PWWP2A: variants seen among roughly 807,000 people sequenced by gnomAD.
The protein encoded by PWWP2A is PWWP domain containing 2A.
PWWP2A carries 18 observed loss-of-function variants against 48.5 expected under a neutral mutation model. The observed-to-expected ratio is 0.37, with a 90% CI of 0.26 to 0.55. PWWP2A has a LOEUF of 0.55. Ranked by LOEUF, PWWP2A falls within the 20% of genes least tolerant of loss-of-function variation. The pLI, the probability that PWWP2A is intolerant of heterozygous loss-of-function variation, is 0.81. For synonymous variants in PWWP2A, 396 were observed against 387.7 expected, an observed-to-expected ratio of 1.02 and a Z score of -0.25; for missense variants, 867 against 976.4, an observed-to-expected ratio of 0.89 and a Z score of 1.49.
downstream of PWWP2A, among the ~76,000 whole-genome samples, chr5:160,073,478 C>T (rs560821786): frequency 2.0e-5 from 3 of 152,132 alleles, no homozygotes; most frequent in South Asian, 6.2e-4. Context: ...CCACCCTCCT[C>T]GACCTCCCAA....
Position 160,093,545 on chromosome 5 carries a change from G to A in PWWP2A, c.1105C>T (p.His369Tyr). Residue 369 changes from histidine to tyrosine, a missense_variant, in exon 2 of 2, where the codon CAT becomes TAT. Transcript: ENST00000307063. The surrounding 1 kb of genome is among the most constrained non-coding windows in gnomAD (Gnocchi z 5.8). ...TTVNKKLKTD[H>Y]KVDGKNQNES... ...TTTTGGTTTTTCCCATCCACTTTAT[G>A]GTCAGTTTTCAGTTTTTTGTTCACA... 6.2e-7 allele frequency: 1 copy of A among 1,613,466 alleles called. No individual in the cohort carries two copies. Among genetic ancestry groups the A allele is most frequent in the Non-Finnish European group, 8.5e-7 (1 of 1,179,778 alleles).
chr5:160,108,592 T>C, intron 1 of PWWP2A: 2 of 1,287,442 alleles, frequency 1.6e-6, no homozygotes, highest in Non-Finnish European at 2.0e-6. Flanking sequence ...AGTAGGGCTA[T>C]TGCACCATAC....
chr5:160,093,623 T>C lies in PWWP2A; in HGVS notation c.1027A>G (p.Thr343Ala), dbSNP rs1308227373. ...KKEIRKGSSA[T>A]DSSKYEDKKR... The stretch of plus-strand genomic sequence containing the variant: ...TTATCTTCATATTTAGAAGAGTCAG[T>C]TGCACTACTACCTTTTCTAATTTCC... The change falls in exon 2 of 2, where the codon ACT becomes GCT. Residue 343 changes from threonine (T) to alanine (A), a missense_variant. Physicochemically the swap from Thr to Ala is moderately conservative, Grantham distance 58. Coordinates refer to ENST00000307063, the MANE Select transcript of PWWP2A (RefSeq NM_001130864.2). This position sits in a 1 kb window ranked among gnomAD's most constrained non-coding sequence, Gnocchi z 5.8. 3 of 1,614,028 alleles carry C rather than the reference T, an allele frequency of 1.9e-6. No individual in the cohort carries two copies. Among genetic ancestry groups the C allele is most frequent in the East Asian group, 4.5e-5 (2 of 44,892 alleles).
Position 160,119,176 on chromosome 5 carries a change from T to TGGCGGCGGG in PWWP2A, c.204_212dup (p.Pro73_Pro75dup). The stretch of plus-strand genomic sequence containing the variant: ...GGGCGAGCTCCCCCGGCGGCGGCGG[T>TGGCGGCGGG]GGCGGCGGGAGCGGCGGCTCGTCGG... On this transcript the variant is annotated inframe_insertion, in exon 1 of 2. Coordinates refer to ENST00000307063, the MANE Select transcript of PWWP2A (RefSeq NM_001130864.2). 1.8e-5 allele frequency: 27 copies of TGGCGGCGGG among 1,508,452 alleles called. No homozygotes were observed. The highest frequency in any genetic ancestry group is 2.3e-5 in the Non-Finnish European group (26 of 1,145,008). 93.4% of individuals were successfully genotyped at this position (1,508,452 alleles called of 1,614,324 possible).
At position 160,092,467 on chromosome 5, in the gene PWWP2A, T is replaced by C. The variant is rs1360423617; in HGVS notation, c.2183A>G (p.Tyr728Cys). 6.4e-7 allele frequency: 1 copy of C among 1,551,716 alleles called. No homozygotes were observed. Reference protein sequence around the residue: ...SRFNKKRKGLYRKAITEAAKA... With the variant: ...SRFNKKRKGLCRKAITEAAKA... ...AGCTGCCTCTGTGATAGCCTTGCGA[T>C]ACAGGCCCTTTCTCTTCTTATTAAA... is the stretch of plus-strand genomic sequence containing the variant. The change falls in exon 2 of 2, where the codon TAT becomes TGT. Residue 728 changes from tyrosine to cysteine, a missense_variant. Tyr to Cys is a radical substitution (Grantham distance 194, BLOSUM62 -2). This residue lies in a region of PWWP2A where 97 missense variants were observed against 151.7 expected (regional missense o/e 0.64). Transcript: ENST00000307063.
chr5:160,110,450 T>C (rs1757441818), intron 1 of PWWP2A, among the ~76,000 whole-genome samples: 1 of 152,200 alleles, frequency 6.6e-6, no homozygotes, highest in Non-Finnish European at 1.5e-5. Flanking sequence ...CTCAAGCCTG[T>C]AATCCCAGCA....
chr5:160,081,239 C>CTT lies in PWWP2A; in HGVS notation c.1550-471_1550-470dup, dbSNP rs11410217. Among the ~76,000 whole-genome samples, 704 of 133,688 alleles carry CTT rather than the reference C, an allele frequency of 5.3e-3. 13 individuals carry two copies. The highest frequency in any genetic ancestry group is 0.013 in the African/African-American group (474 of 36,050). The allele number at this position is 133,688 out of a possible 152,430, so 87.7% of individuals were successfully genotyped here. A position where few individuals can be genotyped will look rare whatever the true frequency, so the allele number is the denominator to read the frequency against. ...CATAATTAATGAGCTCAATGACCCCCTTTTTTTTTTTTTTTTTTTGAGACA... is the reference window on the plus strand; with the variant it reads ...CATAATTAATGAGCTCAATGACCCCCTTTTTTTTTTTTTTTTTTTTTGAGACA... On this transcript the variant is annotated intron_variant, in intron 2 of 3. Coordinates refer to the PWWP2A transcript ENST00000456329.
chr5:160,086,164 AAAT>A (rs1466746357), intron 2 of PWWP2A, among the ~76,000 whole-genome samples: 1 of 152,182 alleles, frequency 6.6e-6, no homozygotes, highest in African/African-American at 2.4e-5. Flanking sequence ...TTCCATATTT[AAAT>A]AATGACTGTT....
chr5:160,074,754 CAAAA>C (rs779908628), downstream of PWWP2A, among the ~76,000 whole-genome samples: 3 of 136,560 alleles, frequency 2.2e-5, no homozygotes, highest in African/African-American at 8.0e-5. Context: ...CTCAAAAAAA[CAAAA>C]AAAAAAACAA....
At chr5:160,114,990 A>T (rs976167364) in intron 1 of PWWP2A, among the ~76,000 whole-genome samples, 2 of 151,900 alleles carry the variant, frequency 1.3e-5, no homozygotes, top group African/African-American at 4.8e-5. Context: ...ACAAAAAATT[A>T]GCCAGGCGTG....
At chr5:160,103,812 G>A (rs1046204106) in intron 1 of PWWP2A, among the ~76,000 whole-genome samples, 2 of 152,084 alleles carry the variant, frequency 1.3e-5, no homozygotes, top group Non-Finnish European at 2.9e-5. Context: ...GATAGACGGA[G>A]AATAACCAGT....
chr5:160,045,439 G>A, the PWWP2A span, among the ~76,000 whole-genome samples: 1 of 121,160 alleles, frequency 8.3e-6, no homozygotes, highest in Non-Finnish European at 1.7e-5. Context: ...GAGAGCCCCC[G>A]ACATCCCCCA....
downstream of PWWP2A, among the ~76,000 whole-genome samples, chr5:160,058,236 G>T (rs766528900): frequency 6.6e-6 from 1 of 152,060 alleles, no homozygotes; most frequent in Non-Finnish European, 1.5e-5. Context: ...ATCTTCAAGC[G>T]CCACTCGAAT....
At chr5:160,074,999 G>A (rs4262145), downstream of PWWP2A, among the ~76,000 whole-genome samples, 91,391 of 151,838 alleles carry the variant, frequency 0.6, 27,486 homozygotes, top group East Asian at 0.62. Context: ...GCTTTCTTAT[G>A]TGAAGGCCAG....
intron 1 of PWWP2A, among the ~76,000 whole-genome samples, chr5:160,117,482 C>T (rs977316478): frequency 2.0e-5 from 3 of 152,082 alleles, no homozygotes; most frequent in South Asian, 2.1e-4. Context: ...TGGTGAAATC[C>T]CGGCTCTAGT....
At chr5:160,087,457 C>T (rs751303772), downstream of PWWP2A, among the ~76,000 whole-genome samples, 1 of 151,338 alleles carries the variant, frequency 6.6e-6, no homozygotes, top group Non-Finnish European at 1.5e-5. Context: ...TATAGGACTA[C>T]AGGTTGATCA....
At chr5:160,073,591 C>T (rs572288723), downstream of PWWP2A, among the ~76,000 whole-genome samples, 23 of 152,232 alleles carry the variant, frequency 1.5e-4, no homozygotes, top group East Asian at 3.9e-3. Flanking sequence ...ACAAACTTGC[C>T]TCACAAGGAA....
At chr5:160,118,426 C>T (rs1316213889) in intron 1 of PWWP2A, among the ~76,000 whole-genome samples, 3 of 151,718 alleles carry the variant, frequency 2.0e-5, no homozygotes, top group African/African-American at 4.8e-5. Context: ...CCCCGCCCCC[C>T]CGTCCCCCCG....
At position 160,119,203 on chromosome 5, in the gene PWWP2A, C is replaced by T. The variant is rs759404593; in HGVS notation, c.186G>A (p.Gln62=). The change falls in exon 1 of 2, where the codon CAG becomes CAA. Residue 62 remains glutamine (Q), a synonymous_variant. Transcript: ENST00000307063. The stretch of plus-strand genomic sequence containing the variant: ...GCGGCGGGAGCGGCGGCTCGTCGGC[C>T]TGAGGAGCGGATTGCTGCCCGTCAG... ...GETDGQQSAP[Q]ADEPPLPPPP... The T allele has an allele frequency of 1.8e-5, 26 of 1,456,272 alleles. No homozygotes were observed. In the South Asian group the frequency reaches 2.8e-4, roughly 16 times the overall value. The allele number at this position is 1,456,272 out of a possible 1,614,324, so 90.2% of individuals were successfully genotyped here.
Sources: gnomAD v4.1 joint callset for allele counts (sites outside exome capture counted in the v4.1 genomes callset) on GRCh38, gnomAD v4.1.1 for gene constraint, gnomAD v4.1.1 regional missense constraint, Gnocchi (gnomAD v3.1) non-coding constraint, MANE v1.5 for transcripts, NCBI Gene and HGNC (gene_info 2026-07-23, HGNC 2026-07-21) for gene names.